Variants in SOD2 observed in about 807,000 individuals in gnomAD.
The protein encoded by SOD2 is superoxide dismutase 2, also known as superoxide dismutase [Mn], mitochondrial.
Under a neutral mutation model 27.0 loss-of-function variants are expected in SOD2, and 11 were observed. The ratio of observed to expected loss-of-function variants is 0.41; its 90% CI spans 0.26 to 0.67. SOD2 has a LOEUF of 0.67. SOD2 is among the 30% of genes least tolerant of loss of function. The pLI is 0.34. For missense variants in SOD2, 250 were observed against 274.5 expected (o/e 0.91, Z 0.63); for synonymous variants, 105 against 103.0 (o/e 1.02, Z -0.12).
chr6:159,731,889 A>T (rs1385292517), upstream of SOD2, among the ~76,000 whole-genome samples: 1 of 152,192 alleles, frequency 6.6e-6, no homozygotes, highest in Non-Finnish European at 1.5e-5. Flanking sequence ...AATGCCCTTT[A>T]AAAACAGATT....
intron 2 of SOD2, among the ~76,000 whole-genome samples, chr6:159,690,489 C>T (rs894573249): frequency 6.6e-6 from 1 of 151,996 alleles, no homozygotes; most frequent in Non-Finnish European, 1.5e-5. Context: ...GACAATGCTG[C>T]TTTCTGAAAC....
chr6:159,688,676 A>G (rs971061530), intron 2 of SOD2, among the ~76,000 whole-genome samples: 1 of 152,090 alleles, frequency 6.6e-6, no homozygotes, highest in African/African-American at 2.4e-5. Flanking sequence ...CATACTCAAA[A>G]TTGAACTCCT....
chr6:159,675,843 T>A lies in SOD2; in HGVS notation c.*6650A>T, dbSNP rs184997642. The A allele has an allele frequency of 1.6e-3, 242 of 152,276 alleles. No homozygotes were observed. Among genetic ancestry groups the A allele is most frequent in the Middle Eastern group, 6.8e-3 (2 of 294 alleles). 9.4% of individuals were successfully genotyped at this position (152,276 alleles called of 1,614,324 possible). A position where few individuals can be genotyped will look rare whatever the true frequency, so the allele number is the denominator to read the frequency against. ...AAAATGGGAGAAAATTTTTGCAATC[T>A]ACTCATCTGACAAAGGGCTAATATC... is the stretch of plus-strand genomic sequence containing the variant. On this transcript the variant is annotated 3_prime_UTR_variant, in exon 5 of 5. Coordinates refer to ENST00000538183, the MANE Select transcript of SOD2 (RefSeq NM_000636.4).
upstream of SOD2, chr6:159,727,443 G>T: frequency 9.1e-7 from 1 of 1,096,746 alleles, no homozygotes; most frequent in South Asian, 1.9e-5. Flanking sequence ...ACCGGCTGTG[G>T]GGCGGGGCAG....
In SOD2 at chr6:159,682,500, T is replaced by C; in HGVS notation, c.662A>G (p.Lys221Arg). The C allele has an allele frequency of 2.5e-6, 4 of 1,613,472 alleles. No homozygotes were observed. The highest frequency in any genetic ancestry group is 1.1e-5 in the South Asian group (1 of 90,936). The change falls in exon 5 of 5, where the codon AAA (lysine) becomes AGA (arginine). Residue 221 changes from lysine to arginine, a missense_variant. Physicochemically the swap from Lys to Arg is conservative, Grantham distance 26. Transcript: ENST00000538183. ...CAGCATAACGATCGTGGTTTACTTT[T>C]TGCAAGCCATGTATCTTTCAGTTAC... is the stretch of plus-strand genomic sequence containing the variant. The part of the protein sequence containing the change: ...ENVTERYMAC[K>R]K
Position 159,680,112 on chromosome 6 carries a change from T to C in SOD2, c.*2381A>G, listed in dbSNP as rs770158051. The C allele has an allele frequency of 2.0e-5, 3 of 152,212 alleles. No homozygotes were observed. Among genetic ancestry groups the C allele is most frequent in the Non-Finnish European group, 2.9e-5 (2 of 68,036 alleles). 9.4% of individuals were successfully genotyped at this position (152,212 alleles called of 1,614,324 possible). ...ATAGAGCCCCACAGAAATTTCAACA[T>C]TGAACATTTTTTAAATCTTAAAGCT... On this transcript the variant is annotated 3_prime_UTR_variant, in exon 5 of 5. Transcript: ENST00000538183.
chr6:159,715,452 A>G (rs1777907754), intron 1 of SOD2, among the ~76,000 whole-genome samples: 1 of 152,038 alleles, frequency 6.6e-6, no homozygotes, highest in Non-Finnish European at 1.5e-5. Context: ...CTCCTGTCCT[A>G]GTGGGTCTTT....
chr6:159,703,674 C>T (rs189278449), intron 1 of SOD2, among the ~76,000 whole-genome samples: 24 of 152,288 alleles, frequency 1.6e-4, no homozygotes, highest in Admixed American at 1.4e-3. Flanking sequence ...CACTTTGAAT[C>T]GCATACACAG....
intron 1 of SOD2, chr6:159,726,665 T>C (rs1778183156): frequency 1.3e-6 from 1 of 778,072 alleles, no homozygotes; most frequent in Non-Finnish European, 1.8e-6. Context: ...CAGGGCCGCC[T>C]TCCCCGTGTT....
chr6:159,727,455 G>T, upstream of SOD2: 2 of 1,006,660 alleles, frequency 2.0e-6, no homozygotes, highest in South Asian at 3.7e-5. Context: ...GCGGGGCAGG[G>T]CGGAGCGGAG....
At chr6:159,739,048 A>G (rs1163373070) in intron 1 of SOD2, 1 of 1,609,676 alleles carries the variant, frequency 6.2e-7, no homozygotes, top group Non-Finnish European at 8.5e-7. Context: ...ATTCTAAGGT[A>G]AAATGTTCTC....
At chr6:159,691,722 T>C (rs1348834491) in intron 2 of SOD2, 1 of 91,520 alleles carries the variant, frequency 1.1e-5, no homozygotes, top group Non-Finnish European at 2.8e-5. Flanking sequence ...AACCGAGCTC[T>C]TGAGAAAAAA....
chr6:159,755,564 C>G, intron 1 of SOD2: 2 of 1,614,044 alleles, frequency 1.2e-6, no homozygotes. Flanking sequence ...CCGCCACGTT[C>G]AGAATGGCTT....
rs1387968062 is a variant in SOD2 at position 159,692,818 on chromosome 6, C to T, written c.69G>A (p.Arg23=). The change falls in exon 2 of 5, where the codon AGG becomes AGA. Residue 23 remains arginine (R), a synonymous_variant. Transcript: ENST00000538183. ...LAPVLGYLGS[R]QKHSLPDLPY... ...GCAGGTCGGGGAGGCTGTGCTTCTG[C>T]CTGGAGCCCAGATACCCCAAAACCG... is the stretch of plus-strand genomic sequence containing the variant. 4 of 1,613,692 alleles carry T rather than the reference C, an allele frequency of 2.5e-6. No individual in the cohort carries two copies. The highest frequency in any genetic ancestry group is 1.7e-5 in the Admixed American group (1 of 59,966).
At chr6:159,708,789 C>G (rs1777674921) in intron 1 of SOD2, among the ~76,000 whole-genome samples, 2 of 152,076 alleles carry the variant, frequency 1.3e-5, no homozygotes, top group Non-Finnish European at 2.9e-5. Flanking sequence ...CACATGGAAC[C>G]AAAAAAGAGC....
intron 1 of SOD2, among the ~76,000 whole-genome samples, chr6:159,718,288 A>G (rs1739329572): frequency 6.6e-6 from 1 of 152,132 alleles, no homozygotes. Context: ...ATAAGCCACC[A>G]TGCCTGGTCA....
intron 1 of SOD2, among the ~76,000 whole-genome samples, chr6:159,757,411 C>A (rs952179405): frequency 1.4e-5 from 2 of 138,376 alleles, no homozygotes; most frequent in South Asian, 4.7e-4. Flanking sequence ...TCTTTTTTTT[C>A]TTTTTCTCTT....
upstream of SOD2, among the ~76,000 whole-genome samples, chr6:159,697,350 T>TACC (rs10661515): frequency 0.77 from 116,253 of 151,548 alleles, 45,028 homozygotes; most frequent in South Asian, 0.85. Flanking sequence ...GAATTGGTTG[T>TACC]AACCTGTCCT....
At chr6:159,743,860 T>C (rs867735829) in intron 1 of SOD2, 5 of 1,457,386 alleles carry the variant, frequency 3.4e-6, no homozygotes, top group Middle Eastern at 3.6e-4. Context: ...TTATTACATG[T>C]TAATTTTAAA....
Sources: allele counts gnomAD v4.1 joint callset (sites outside exome capture counted in the v4.1 genomes callset), GRCh38; gene constraint gnomAD v4.1.1; transcripts MANE v1.5; gene names NCBI Gene and HGNC (gene_info 2026-07-23, HGNC 2026-07-21).